The following MAP3K13 variants were observed in gnomAD, a reference collection of about 807,000 sequenced individuals.
MAP3K13 encodes the protein leucine zipper-bearing kinase.
In MAP3K13, 52 loss-of-function variants were observed where a neutral mutation model predicts 104.0. The observed-to-expected ratio is 0.50, with a 90% confidence interval of 0.40 to 0.63. The LOEUF is 0.63. MAP3K13 is among the 20% of genes least tolerant of loss of function. The probability of loss-of-function intolerance (pLI) is 0.00; values close to 1 mark genes in which losing one functional copy is unlikely to be tolerated. For synonymous variants in MAP3K13, 394 were observed against 442.2 expected (o/e 0.89, Z 1.37); for missense variants, 914 against 1,218.5 (o/e 0.75, Z 3.72).
At chr3:185,454,564 T>TGATATATATGATATATATATGATATATA (rs1716197117) in intron 7 of MAP3K13, among the ~76,000 whole-genome samples, 2 of 117,454 alleles carry the variant, frequency 1.7e-5, no homozygotes, top group Non-Finnish European at 3.2e-5. Context: ...CACATATATA[T>TGATATATATGATATATATATGATATATA]GATATATATG....
At chr3:185,451,619 C>G in intron 7 of MAP3K13, 2 of 382,636 alleles carry the variant, frequency 5.2e-6, no homozygotes, top group South Asian at 6.3e-5. Context: ...TGGCCGGGTG[C>G]ACTTTGGGAG....
At chr3:185,292,575 T>G in intron 2 of MAP3K13, 1 of 846,894 alleles carries the variant, frequency 1.2e-6, no homozygotes, top group Non-Finnish European at 1.4e-6. Flanking sequence ...GAGGATCAAA[T>G]GAAATAATGT....
Position 185,482,326 on chromosome 3 carries a change from T to C in MAP3K13, c.2800-29T>C. 1 of 1,486,008 alleles carries C rather than the reference T, an allele frequency of 6.7e-7. No individual in the cohort carries two copies. Among genetic ancestry groups the C allele is most frequent in the Admixed American group, 1.7e-5 (1 of 59,830 alleles). 92.1% of individuals were successfully genotyped at this position (1,486,008 alleles called of 1,614,324 possible). A position where few individuals can be genotyped will look rare whatever the true frequency, so the allele number is the denominator to read the frequency against. ...TATATTTACTGAGTGATTATCGAAA[T>C]GAATTAAGGTTTTGTCTTGCCTTTG... On this transcript the variant is annotated intron_variant, in intron 13 of 13. Coordinates refer to ENST00000265026, the MANE Select transcript of MAP3K13 (RefSeq NM_004721.5). The surrounding 1 kb of genome is among the most constrained non-coding windows in gnomAD (Gnocchi z 4.5).
At chr3:185,326,785 C>T (rs9856533) in intron 2 of MAP3K13, among the ~76,000 whole-genome samples, 118,991 of 151,650 alleles carry the variant, frequency 0.78, 47,093 homozygotes, top group Non-Finnish European at 0.84. Flanking sequence ...CTTAGGAGGC[C>T]ACTAAGTTAA....
intron 1 of MAP3K13, among the ~76,000 whole-genome samples, chr3:185,373,823 A>ATTTTTTTTTTTTT (rs148364519): frequency 8.8e-6 from 1 of 113,360 alleles, no homozygotes; most frequent in African/African-American, 3.5e-5. Context: ...AGTGAAAAGG[A>ATTTTTTTTTTTTT]TTTTTTTTTT....
At chr3:185,393,520 G>T (rs1012002823) in intron 1 of MAP3K13, among the ~76,000 whole-genome samples, 1 of 150,640 alleles carries the variant, frequency 6.6e-6, no homozygotes, top group Non-Finnish European at 1.5e-5. Flanking sequence ...GTGCAGTGGC[G>T]TGATCTCAGC....
rs370391781 is a variant in MAP3K13, at chr3:185,463,581, T to A, written c.1310T>A (p.Phe437Tyr). The change falls in exon 8 of 14, where the codon TTT becomes TAT. Residue 437 changes from phenylalanine (F) to tyrosine (Y), a missense_variant. Transcript: ENST00000265026. ...AEWREEVKKH[F>Y]EKIKSEGTCI... ...TGGAGAGAAGAAGTGAAAAAACATT[T>A]TGAGAAGATCAAAAGTGAAGGAACT... 1.1e-5 allele frequency: 17 copies of A among 1,611,864 alleles called. No individual in the cohort carries two copies. Among genetic ancestry groups the A allele is most frequent in the Non-Finnish European group, 1.2e-5 (14 of 1,178,224 alleles).
Position 185,403,129 on chromosome 3 carries a change from C to T in MAP3K13, c.-85-25368C>T, listed in dbSNP as rs151016885. 1.1e-4 allele frequency among the ~76,000 whole-genome samples: 17 copies of T among 152,286 alleles called. No individual in the cohort carries two copies. In the East Asian group the frequency reaches 1.9e-3, roughly 17 times the overall value. ...GAGTGCTTTGGAAATTGTTAGTAGACTGAAATAATTTCTATCTAGCTAAAG... is the reference window on the plus strand; with the variant it reads ...GAGTGCTTTGGAAATTGTTAGTAGATTGAAATAATTTCTATCTAGCTAAAG... On this transcript the variant is annotated intron_variant, in intron 1 of 13. Transcript: ENST00000265026.
At chr3:185,477,985 A>G (rs138412072) in intron 12 of MAP3K13, among the ~76,000 whole-genome samples, 153 of 152,070 alleles carry the variant, frequency 1.0e-3, no homozygotes, top group African/African-American at 3.5e-3. Context: ...AATATTAATT[A>G]CCTCCTAAAG....
At chr3:185,345,158 G>A (rs9825304) in intron 2 of MAP3K13, among the ~76,000 whole-genome samples, 41,747 of 151,992 alleles carry the variant, frequency 0.27, 8,104 homozygotes, top group African/African-American at 0.54. Context: ...CACTGCACCC[G>A]GCCCCATTTC....
chr3:185,482,361 A>T lies in MAP3K13; in HGVS notation c.2806A>T (p.Met936Leu), dbSNP rs1450874055. Residue 936 changes from methionine (M) to leucine (L), a missense_variant, in exon 14 of 14, where the codon ATG becomes TTG. Met to Leu is a conservative substitution (Grantham distance 15). Transcript: ENST00000265026. This position sits in a 1 kb window ranked among gnomAD's most constrained non-coding sequence, Gnocchi z 4.5. The part of the protein sequence containing the change: ...CVEERGYENP[M>L]QFEESDCDSS... ...TTTTGTCTTGCCTTTGCAGAACCCC[A>T]TGCAGTTTGAAGAATCGGACTGTGA... 2.5e-6 allele frequency: 4 copies of T among 1,613,012 alleles called. No homozygotes were observed. In the African/African-American group the frequency reaches 4.0e-5, roughly 16 times the overall value.
At chr3:185,376,356 A>G (rs1724430806) in intron 1 of MAP3K13, among the ~76,000 whole-genome samples, 1 of 152,166 alleles carries the variant, frequency 6.6e-6, no homozygotes, top group South Asian at 2.1e-4. Context: ...TGAGTTGAGC[A>G]TAGTTTGTGA....
chr3:185,451,867 CAAAAAAA>C (rs1265471490), intron 7 of MAP3K13, among the ~76,000 whole-genome samples: 3 of 54,850 alleles, frequency 5.5e-5, no homozygotes, highest in Non-Finnish European at 7.9e-5. Context: ...AACACCGCCT[CAAAAAAA>C]AAAAAAAAGA....
chr3:185,379,944 G>C (rs935050914), intron 1 of MAP3K13, among the ~76,000 whole-genome samples: 24 of 152,048 alleles, frequency 1.6e-4, no homozygotes, highest in Admixed American at 1.6e-3. Flanking sequence ...CAAGCACTTT[G>C]GGGGGCCGAG....
At chr3:185,386,064 A>C (rs901189144) in intron 1 of MAP3K13, among the ~76,000 whole-genome samples, 1 of 152,150 alleles carries the variant, frequency 6.6e-6, no homozygotes, top group Non-Finnish European at 1.5e-5. Flanking sequence ...AAGATGGATC[A>C]GCATATGCAA....
At chr3:185,291,851 C>A in intron 2 of MAP3K13, 1 of 1,243,684 alleles carries the variant, frequency 8.0e-7, no homozygotes, top group Non-Finnish European at 1.0e-6. Context: ...CCTCTAGGGT[C>A]CTTCATATTG....
chr3:185,471,306 C>CTTTCTTTT (rs1553811789), intron 10 of MAP3K13, among the ~76,000 whole-genome samples: 5 of 83,416 alleles, frequency 6.0e-5, no homozygotes, highest in Non-Finnish European at 7.7e-5. Context: ...ATGACCTTTG[C>CTTTCTTTT]TTTTTTTTTT....
chr3:185,380,488 C>A (rs1056465695), intron 1 of MAP3K13, among the ~76,000 whole-genome samples: 3 of 136,022 alleles, frequency 2.2e-5, no homozygotes, highest in Admixed American at 1.7e-4. Flanking sequence ...TCCAGCCTGG[C>A]GACAGAGCGA....
intron 2 of MAP3K13, among the ~76,000 whole-genome samples, chr3:185,312,828 A>T (rs905251826): frequency 6.6e-6 from 1 of 152,240 alleles, no homozygotes; most frequent in African/African-American, 2.4e-5. Context: ...TCCCCTGTTG[A>T]TAGCCATTGA....
Sources: gnomAD v4.1 joint callset for allele counts (sites outside exome capture counted in the v4.1 genomes callset) on GRCh38, gnomAD v4.1.1 for gene constraint, Gnocchi (gnomAD v3.1) non-coding constraint, MANE v1.5 for transcripts, NCBI Gene and HGNC (gene_info 2026-07-23, HGNC 2026-07-21) for gene names.